CDS2: variants seen among roughly 807,000 people sequenced by gnomAD.
The protein encoded by CDS2 is CDP-diacylglycerol synthase 2, also known as phosphatidate cytidylyltransferase 2.
In CDS2, 47 loss-of-function variants were observed where a neutral mutation model predicts 59.0. That is an observed-to-expected ratio of 0.80 (90% CI 0.63 to 1.02). The LOEUF is 1.02. CDS2 is among the 50% of genes least tolerant of loss of function. CDS2 has a pLI of 0.00. For missense variants in CDS2, 356 were observed against 558.9 expected (o/e 0.64, Z 3.66); for synonymous variants, 207 against 206.4 (o/e 1.00, Z -0.02).
intron 9 of CDS2, among the ~76,000 whole-genome samples, chr20:5,186,233 T>C (rs1324023565): frequency 6.6e-6 from 1 of 152,196 alleles, no homozygotes; most frequent in Non-Finnish European, 1.5e-5. Context: ...CAGTCCTCCT[T>C]CTTCAGCACT....
In CDS2 at chr20:5,193,600, G is replaced by GAGCCCTTGGCTC. The variant is rs2091134790; in HGVS notation, c.*3375_*3386dup. 6.6e-6 allele frequency: 1 copy of GAGCCCTTGGCTC among 152,230 alleles called. No homozygotes were observed. Among genetic ancestry groups the GAGCCCTTGGCTC allele is most frequent in the Non-Finnish European group, 1.5e-5 (1 of 68,048 alleles). 9.4% of individuals were successfully genotyped at this position (152,230 alleles called of 1,614,324 possible). On this transcript the variant is annotated 3_prime_UTR_variant, in exon 13 of 13. Coordinates refer to ENST00000460006, the MANE Select transcript of CDS2 (RefSeq NM_003818.4). ...GAGTTGAGATCTTCACACTGTCAGT[G>GAGCCCTTGGCTC]AGCCCTTGGCTCAGCCCTTGTCACC...
chr20:5,186,746 C>T lies in CDS2; in HGVS notation c.888C>T (p.Asp296=), dbSNP rs1173086821. Residue 296 remains aspartate, a synonymous_variant, in exon 10 of 13, where the codon GAC becomes GAT. Transcript: ENST00000460006. Reference sequence around the variant, plus strand: ...TCTGCCCTGTGGAGTACAACAATGACACCAACAGCTTCACTGTGGACTGTG... The same window carrying T: ...TCTGCCCTGTGGAGTACAACAATGATACCAACAGCTTCACTGTGGACTGTG... ...CFVCPVEYNN[D]TNSFTVDCEP... is the part of the protein sequence containing the mutation. 2 of 1,614,102 alleles carry T rather than the reference C, an allele frequency of 1.2e-6. No individual in the cohort carries two copies. Among genetic ancestry groups the T allele is most frequent in the Admixed American group, 1.7e-5 (1 of 60,032 alleles).
At chr20:5,177,645 A>G (rs1373553707) in intron 4 of CDS2, among the ~76,000 whole-genome samples, 1 of 152,162 alleles carries the variant, frequency 6.6e-6, no homozygotes, top group East Asian at 1.9e-4. Context: ...GCAGGGATAC[A>G]GGGGTTGAAG....
chr20:5,161,878 T>G (rs1210168801), intron 1 of CDS2, among the ~76,000 whole-genome samples: 1 of 152,212 alleles, frequency 6.6e-6, no homozygotes, highest in Non-Finnish European at 1.5e-5. Context: ...AAAGTTTGAC[T>G]AACGCTAACT....
intron 2 of CDS2, among the ~76,000 whole-genome samples, chr20:5,174,721 A>C (rs2090981900): frequency 8.7e-6 from 1 of 115,170 alleles, no homozygotes; most frequent in Admixed American, 8.7e-5. Context: ...ACTCTGTCTC[A>C]AAAAAAAAAA....
At chr20:5,189,045 T>C in intron 10 of CDS2, 22 bp from the exon 11 acceptor site, 1 of 1,613,926 alleles carries the variant, frequency 6.2e-7, no homozygotes, top group Non-Finnish European at 8.5e-7. Context: ...ACCTAAACTT[T>C]TACTTCATTT....
At chr20:5,175,348 C>A in intron 3 of CDS2, 69 bp downstream of exon 3, 1 of 1,239,536 alleles carries the variant, frequency 8.1e-7, no homozygotes, top group Non-Finnish European at 1.2e-6. Context: ...GTCTTAAGTG[C>A]GAGGTGTTGG....
chr20:5,163,666 C>T (rs2090892162), intron 1 of CDS2, among the ~76,000 whole-genome samples: 1 of 152,106 alleles, frequency 6.6e-6, no homozygotes, highest in Non-Finnish European at 1.5e-5. Flanking sequence ...TATCGTTGGC[C>T]ATTAGGAATG....
At position 5,190,432 on chromosome 20, in the gene CDS2, A is replaced by C. The variant is rs2091105453; in HGVS notation, c.*198A>C. 4.5e-6 allele frequency: 2 copies of C among 445,878 alleles called. No homozygotes were observed. Among genetic ancestry groups the C allele is most frequent in the Non-Finnish European group, 7.8e-6 (2 of 256,206 alleles). The allele number at this position is 445,878 out of a possible 1,614,324, so 27.6% of individuals were successfully genotyped here. A position where few individuals can be genotyped will look rare whatever the true frequency, so the allele number is the denominator to read the frequency against. On this transcript the variant is annotated 3_prime_UTR_variant, in exon 13 of 13. Coordinates refer to ENST00000460006, the MANE Select transcript of CDS2 (RefSeq NM_003818.4). ...TGTGTTTAGAATTTGTGTTGTAAGT[A>C]AACTACAGCTTTGAGTTGGAAAGAA...
At chr20:5,138,250 T>G (rs1439412237) in intron 1 of CDS2, among the ~76,000 whole-genome samples, 1 of 151,712 alleles carries the variant, frequency 6.6e-6, no homozygotes, top group Non-Finnish European at 1.5e-5. Flanking sequence ...ATACCCAGCC[T>G]CGAGTTGATT....
chr20:5,170,072 C>T (rs935272704), intron 1 of CDS2, among the ~76,000 whole-genome samples: 5 of 152,202 alleles, frequency 3.3e-5, no homozygotes, highest in South Asian at 2.1e-4. Context: ...TCATCGGGGT[C>T]GCATTGGTCA....
chr20:5,131,824 CA>C (rs2122943267), intron 1 of CDS2, among the ~76,000 whole-genome samples: 1 of 152,282 alleles, frequency 6.6e-6, no homozygotes, highest in Non-Finnish European at 1.5e-5. Flanking sequence ...AAATGGGGGT[CA>C]TAAAATTGTA....
chr20:5,129,090 T>TA (rs1274067640), intron 1 of CDS2, among the ~76,000 whole-genome samples: 2 of 152,122 alleles, frequency 1.3e-5, no homozygotes, highest in Non-Finnish European at 2.9e-5. Context: ...GAGGTGCACT[T>TA]ATATCACTTA....
rs2091122286 is a variant in CDS2, at chr20:5,192,335, T to G, written c.*2101T>G. On this transcript the variant is annotated 3_prime_UTR_variant, in exon 13 of 13. Transcript: ENST00000460006. ...TCATCATGTTCCTTTGTGGAAGTGGTTACTTGGTGGGGGTGGGGTGGGGAA... is the reference window on the plus strand; with the variant it reads ...TCATCATGTTCCTTTGTGGAAGTGGGTACTTGGTGGGGGTGGGGTGGGGAA... The G allele has an allele frequency of 7.1e-6, 1 of 140,104 alleles. No homozygotes were observed. Among genetic ancestry groups the G allele is most frequent in the Non-Finnish European group, 1.6e-5 (1 of 62,208 alleles). The allele number at this position is 140,104 out of a possible 1,614,324, so 8.7% of individuals were successfully genotyped here.
In CDS2 at chr20:5,190,232, T is replaced by G; in HGVS notation, c.1336T>G (p.Ter446GluextTer25). 6.2e-7 allele frequency: 1 copy of G among 1,612,854 alleles called. No individual in the cohort carries two copies. Residue 446 changes from the stop codon to glutamate, a stop_lost, in exon 13 of 13, where the codon TAG (stop) becomes GAG (glutamate). Coordinates refer to ENST00000460006, the MANE Select transcript of CDS2 (RefSeq NM_003818.4). ...GMLTSTTEDE[*>E] is the part of the protein sequence containing the mutation. ...GCTGACATCCACCACAGAGGACGAG[T>G]AGGGGCCACCCAGGGCCAGGAGAAC...
intron 6 of CDS2, 106 bp from the exon 7 acceptor site, chr20:5,182,955 T>C (rs2123057953): frequency 2.3e-6 from 2 of 855,266 alleles, no homozygotes; most frequent in Non-Finnish European, 1.9e-6. Flanking sequence ...AAAGCAGATA[T>C]TTTTCCTACC....
intron 1 of CDS2, among the ~76,000 whole-genome samples, chr20:5,160,488 T>C (rs1362695142): frequency 1.3e-5 from 2 of 152,176 alleles, no homozygotes; most frequent in East Asian, 3.8e-4. Flanking sequence ...ACTGTCTGCA[T>C]TGTCCAGTAT....
chr20:5,135,746 TTGAAGAAAGTTAA>T (rs1173386928), intron 1 of CDS2, among the ~76,000 whole-genome samples: 2 of 152,206 alleles, frequency 1.3e-5, no homozygotes, highest in Non-Finnish European at 2.9e-5. Context: ...GACTGACCTT[TTGAAGAAAGTTAA>T]ACTTTATGGT....
intron 1 of CDS2, among the ~76,000 whole-genome samples, chr20:5,137,243 C>T (rs976963280): frequency 1.3e-4 from 18 of 137,444 alleles, no homozygotes; most frequent in Admixed American, 6.8e-4. Flanking sequence ...TCCCTCATTT[C>T]TACCCTTTTT....
Sources: allele counts gnomAD v4.1 joint callset (sites outside exome capture counted in the v4.1 genomes callset), GRCh38; gene constraint gnomAD v4.1.1; transcripts MANE v1.5; gene names NCBI Gene and HGNC (gene_info 2026-07-23, HGNC 2026-07-21).